Variants in CLCN7 observed in about 807,000 individuals in gnomAD.
CLCN7 encodes the protein H(+)/Cl(-) exchange transporter 7.
Under a neutral mutation model 102.1 loss-of-function variants are expected in CLCN7, and 60 were observed. That is an observed-to-expected ratio of 0.59 (90% confidence interval 0.48 to 0.73). The LOEUF (loss-of-function observed/expected upper bound fraction) is 0.73. Ranked by LOEUF, CLCN7 falls within the 30% of genes least tolerant of loss-of-function variation. The pLI, the probability that CLCN7 is intolerant of heterozygous loss-of-function variation, is 0.00. For synonymous variants in CLCN7, 560 were observed against 490.5 expected, an observed-to-expected ratio of 1.14 and a Z score of -1.87; for missense variants, 962 against 1,125.7, an observed-to-expected ratio of 0.85 and a Z score of 2.08.
intron 1 of CLCN7, chr16:1,474,189 G>A (rs1447020147): frequency 4.4e-6 from 2 of 456,110 alleles, no homozygotes; most frequent in Admixed American, 2.3e-5. Context: ...AGGGTGACAT[G>A]CGGAACGCAT....
chr16:1,449,576 C>T (rs1035942618), intron 17 of CLCN7: 4 of 587,582 alleles, frequency 6.8e-6, no homozygotes, highest in East Asian at 2.8e-5. Flanking sequence ...GCAGAGGGCA[C>T]AGTCACCACG....
chr16:1,446,885 G>T, intron 24 of CLCN7, 121 bp downstream of exon 24: 1 of 1,162,438 alleles, frequency 8.6e-7, no homozygotes, highest in Non-Finnish European at 1.3e-6. Context: ...ATGGGGCATG[G>T]GCCGACTCGG....
chr16:1,453,744 G>T, intron 14 of CLCN7, 90 bp downstream of exon 14: 1 of 1,209,626 alleles, frequency 8.3e-7, no homozygotes, highest in South Asian at 1.2e-5. Flanking sequence ...CTGTGGCCTA[G>T]GAGTGTAAAC....
intron 3 of CLCN7, 35 bp downstream of exon 3, chr16:1,461,567 CG>C: frequency 6.2e-7 from 1 of 1,611,882 alleles, no homozygotes; most frequent in East Asian, 2.2e-5. Flanking sequence ...GGGCAGAGGC[CG>C]GGTCTCAGGG....
At chr16:1,471,555 A>G (rs2745007) in intron 1 of CLCN7, 81,649 of 152,118 alleles carry the variant, frequency 0.54, 24,194 homozygotes, top group African/African-American at 0.81. Flanking sequence ...AGGAAGTTGG[A>G]CAGGAAAGTC....
At position 1,449,258 on chromosome 16, in the gene CLCN7, G is replaced by C; in HGVS notation, c.1669+18C>G. ...CCCCGTGGAGCTCCCCACCCATCGG[G>C]CAAGAGCTGGGACATACCCAGCTGG... On this transcript the variant is annotated intron_variant, in intron 18 of 24. Transcript: ENST00000382745. 1.3e-6 allele frequency: 2 copies of C among 1,578,526 alleles called. No individual in the cohort carries two copies. Among genetic ancestry groups the C allele is most frequent in the Non-Finnish European group, 1.7e-6 (2 of 1,162,824 alleles).
chr16:1,462,706 T>G (rs1596225574), intron 2 of CLCN7, among the ~76,000 whole-genome samples: 1 of 141,486 alleles, frequency 7.1e-6, no homozygotes, highest in Admixed American at 7.1e-5. Context: ...GGTACTGGCA[T>G]GAAGATGGCC....
rs769326220 is a variant in CLCN7, at chr16:1,452,807, G to A, written c.1301C>T (p.Ser434Leu). Residue 434 changes from serine to leucine, a missense_variant, in exon 15 of 25, where the codon TCG (serine) becomes TTG (leucine). Around this residue, in one of 2 missense-constraint regions of CLCN7, gnomAD observed 799 missense variants for 988.0 expected, o/e 0.81. Transcript: ENST00000382745. ...TATVAFVLIY[S>L]SRDCQPLQGG... is the part of the protein sequence containing the mutation. ...CTGCAGGGGCTGGCAATCCCGCGAC[G>A]AGTAGATCAGCACGAAGGCAACTGT... 7.5e-6 allele frequency: 12 copies of A among 1,605,690 alleles called. No homozygotes were observed. The highest frequency in any genetic ancestry group is 2.2e-5 in the South Asian group (2 of 89,946).
At position 1,463,167 on chromosome 16, in the gene CLCN7, C is replaced by T. The variant is rs147371845; in HGVS notation, c.214-1493G>A. Among the ~76,000 whole-genome samples the T allele has an allele frequency of 5.9e-3, 891 of 152,182 alleles. 6 individuals are homozygous for T. Among genetic ancestry groups the T allele is most frequent in the African/African-American group, 0.02 (836 of 41,488 alleles). ...GAGAGAGGGAGGGTATGACGTTGGA[C>T]CCTTACCTCACACCACATCCAAAAA... On this transcript the variant is annotated intron_variant, in intron 2 of 24. Transcript: ENST00000382745.
chr16:1,459,043 G>A, intron 7 of CLCN7, 64 bp downstream of exon 7: 2 of 1,373,816 alleles, frequency 1.5e-6, no homozygotes, highest in Non-Finnish European at 1.0e-6. Flanking sequence ...AGCCAAGAGA[G>A]CTGCTCCTGA....
chr16:1,446,958 G>A, intron 24 of CLCN7, 48 bp downstream of exon 24: 2 of 1,493,482 alleles, frequency 1.3e-6, no homozygotes, highest in South Asian at 1.2e-5. Context: ...GCAGGAGGCA[G>A]AGGGGAGCCC....
rs199647129 is a variant in CLCN7 at position 1,465,381 on chromosome 16, C to T, written c.142-43G>A. 291 of 1,542,684 alleles carry T rather than the reference C, an allele frequency of 1.9e-4. 1 individual carries two copies. The African/African-American group carries it at 3.1e-3, about 16-fold the overall frequency. On this transcript the variant is annotated intron_variant, in intron 1 of 24. Transcript: ENST00000382745. Reference sequence around the variant, plus strand: ...ATCATGAGGGCGCTCAGGCGTCGCACGCTCTGCTCCGTGGATTCTCACTCC... The same window carrying T: ...ATCATGAGGGCGCTCAGGCGTCGCATGCTCTGCTCCGTGGATTCTCACTCC...
intron 5 of CLCN7, 44 bp from the exon 6 acceptor site, chr16:1,460,571 A>G: frequency 6.7e-7 from 1 of 1,485,118 alleles, no homozygotes; most frequent in South Asian, 1.1e-5. Context: ...CGTCATGACC[A>G]CCCAGCCCAG....
chr16:1,454,514 A>G, intron 12 of CLCN7, 49 bp from the exon 13 acceptor site: 1 of 1,550,374 alleles, frequency 6.5e-7, no homozygotes, highest in Non-Finnish European at 8.9e-7. Flanking sequence ...AAAGGCCCAC[A>G]GCTCCTTTCT....
At chr16:1,447,819 T>C in intron 21 of CLCN7, 105 bp from the exon 22 acceptor site, 1 of 1,290,800 alleles carries the variant, frequency 7.7e-7, no homozygotes, top group Non-Finnish European at 1.1e-6. Context: ...AGATTTCCCA[T>C]CTGGGCATGG....
intron 3 of CLCN7, 64 bp downstream of exon 3, chr16:1,461,539 C>G: frequency 1.2e-6 from 2 of 1,607,902 alleles, no homozygotes; most frequent in Non-Finnish European, 1.7e-6. Flanking sequence ...CACAGGGGAC[C>G]GGGAGTGGGC....
In CLCN7 at chr16:1,452,992, C is replaced by T. The variant is rs560347687; in HGVS notation, c.1215-99G>A. 84 of 1,482,426 alleles carry T rather than the reference C, an allele frequency of 5.7e-5. 1 individual carries two copies. The highest frequency in any genetic ancestry group is 1.7e-4 in the Middle Eastern group (1 of 5,816). The allele number at this position is 1,482,426 out of a possible 1,614,324, so 91.8% of individuals were successfully genotyped here. A position where few individuals can be genotyped will look rare whatever the true frequency, so the allele number is the denominator to read the frequency against. The stretch of plus-strand genomic sequence containing the variant: ...AGTCCCTGATGGAGGACACTGGGCC[C>T]GTGGTGCTTTTTGTTTGTTTGTTTT... On this transcript the variant is annotated intron_variant, in intron 14 of 24. Transcript: ENST00000382745.
At chr16:1,461,032 AG>A in intron 4 of CLCN7, 84 bp from the exon 5 acceptor site, 1 of 1,535,454 alleles carries the variant, frequency 6.5e-7, no homozygotes, top group Non-Finnish European at 8.8e-7. Context: ...GACCGCCTGC[AG>A]GCCCCGGGAT....
rs1214176986 is a variant in CLCN7 at position 1,460,921 on chromosome 16, A to C, written c.379T>G (p.Trp127Gly). The change falls in exon 5 of 25, where the codon TGG becomes GGG. Residue 127 changes from tryptophan to glycine, a missense_variant. This residue lies in a region of CLCN7 where 799 missense variants were observed against 988.0 expected (regional missense o/e 0.81). Transcript: ENST00000382745. The stretch of plus-strand genomic sequence containing the variant: ...ATCCCAATGAGGGCGCAGATGACCC[A>C]GCGCTTGATCTCCACCGTCCGGAAG... Reference protein sequence around the residue: ...TAFRTVEIKRWVICALIGILT... With the variant: ...TAFRTVEIKRGVICALIGILT... 6.2e-7 allele frequency: 1 copy of C among 1,613,688 alleles called. No homozygotes were observed. Among genetic ancestry groups the C allele is most frequent in the East Asian group, 2.2e-5 (1 of 44,894 alleles).
Sources: allele counts gnomAD v4.1 joint callset (sites outside exome capture counted in the v4.1 genomes callset), GRCh38; gene constraint gnomAD v4.1.1; regional missense constraint gnomAD v4.1.1; transcripts MANE v1.5; gene names NCBI Gene and HGNC (gene_info 2026-07-23, HGNC 2026-07-21).